Variants in ADGRV1 observed in about 807,000 individuals in gnomAD.
The protein encoded by ADGRV1 is G-protein coupled receptor 98.
A neutral mutation model predicts 596.2 loss-of-function variants in ADGRV1; 359 were observed. The observed-to-expected ratio is 0.60, with a 90% CI of 0.55 to 0.66. The LOEUF is 0.66. Among genes scored for constraint, ADGRV1 ranks in the 30% least tolerant of loss-of-function variants. ADGRV1 has a pLI of 0.00. For synonymous variants in ADGRV1, 2,681 were observed against 2,679.2 expected (o/e 1.00, Z -0.02); for missense variants, 7,274 against 7,575.6 (o/e 0.96, Z 1.48).
chr5:90,960,429 T>G (rs915610054), intron 83 of ADGRV1, among the ~76,000 whole-genome samples: 7 of 152,184 alleles, frequency 4.6e-5, no homozygotes, highest in Non-Finnish European at 8.8e-5. Context: ...CCGTGTTCTC[T>G]TTTTTACAAA....
chr5:91,008,874 A>T (rs1052849014), intron 85 of ADGRV1, among the ~76,000 whole-genome samples: 4 of 152,182 alleles, frequency 2.6e-5, no homozygotes, highest in Non-Finnish European at 4.4e-5. Flanking sequence ...ATCAGTTCTC[A>T]TAGAGCTAGT....
chr5:90,587,199 G>A (rs1015215979), intron 1 of ADGRV1, among the ~76,000 whole-genome samples: 2 of 152,068 alleles, frequency 1.3e-5, no homozygotes, highest in Non-Finnish European at 2.9e-5. Flanking sequence ...CAATGGGAAC[G>A]CTTTCATGTT....
intron 83 of ADGRV1, among the ~76,000 whole-genome samples, chr5:90,870,099 A>C (rs1347262045): frequency 6.6e-6 from 1 of 152,204 alleles, no homozygotes; most frequent in Non-Finnish European, 1.5e-5. Context: ...AGGTTTCCAT[A>C]GCATGGAGAT....
At chr5:91,035,862 T>TATATATATATATATATATATATA (rs1784850040) in intron 85 of ADGRV1, among the ~76,000 whole-genome samples, 2 of 16,500 alleles carry the variant, frequency 1.2e-4, no homozygotes, top group Non-Finnish European at 5.5e-4. Flanking sequence ...ATATATATAT[T>TATATATATATATATATATATATA]ATATATATAT....
At chr5:90,842,366 T>C (rs1765508163) in intron 78 of ADGRV1, among the ~76,000 whole-genome samples, 1 of 152,168 alleles carries the variant, frequency 6.6e-6, no homozygotes, top group Non-Finnish European at 1.5e-5. Context: ...TATATGAAGA[T>C]ACTTAAATAA....
chr5:90,860,842 A>G (rs920373950), intron 82 of ADGRV1, among the ~76,000 whole-genome samples: 1 of 152,164 alleles, frequency 6.6e-6, no homozygotes, highest in Non-Finnish European at 1.5e-5. Context: ...TAATTTGTAA[A>G]TATTTTAAGG....
At chr5:90,958,858 A>G (rs1777732146) in intron 83 of ADGRV1, among the ~76,000 whole-genome samples, 1 of 152,206 alleles carries the variant, frequency 6.6e-6, no homozygotes, top group Non-Finnish European at 1.5e-5. Context: ...TTTGGAGAGG[A>G]AACAATTTAG....
intron 85 of ADGRV1, among the ~76,000 whole-genome samples, chr5:91,071,606 C>T (rs925247017): frequency 1.3e-4 from 20 of 152,212 alleles, no homozygotes; most frequent in East Asian, 5.8e-4. Flanking sequence ...TGAATTATTT[C>T]GGTTAATCTT....
chr5:91,058,116 C>T (rs1787059005), intron 85 of ADGRV1, among the ~76,000 whole-genome samples: 1 of 152,134 alleles, frequency 6.6e-6, no homozygotes, highest in African/African-American at 2.4e-5. Context: ...TGGAGTCTGA[C>T]TTACGCTGAG....
chr5:90,658,616 T>C (rs781767451), intron 21 of ADGRV1, among the ~76,000 whole-genome samples: 3 of 152,144 alleles, frequency 2.0e-5, no homozygotes, highest in Non-Finnish European at 4.4e-5. Flanking sequence ...AATGAAATAA[T>C]ATATATTGAA....
At chr5:90,742,536 C>T (rs1260239565) in intron 50 of ADGRV1, among the ~76,000 whole-genome samples, 4 of 152,000 alleles carry the variant, frequency 2.6e-5, no homozygotes, top group Admixed American at 2.0e-4. Context: ...GGTCTTTATC[C>T]TAAAAGTATT....
intron 89 of ADGRV1, among the ~76,000 whole-genome samples, chr5:91,154,957 T>TA (rs1405477165): frequency 6.6e-6 from 1 of 152,152 alleles, no homozygotes; most frequent in African/African-American, 2.4e-5. Context: ...ATTATACAAT[T>TA]ACAATTGACT....
chr5:90,957,652 A>G (rs1777600465), intron 83 of ADGRV1, among the ~76,000 whole-genome samples: 2 of 148,350 alleles, frequency 1.3e-5, no homozygotes, highest in African/African-American at 4.9e-5. Flanking sequence ...GTATATATAA[A>G]TATATGTGTA....
intron 31 of ADGRV1, among the ~76,000 whole-genome samples, chr5:90,692,400 G>A (rs1395939851): frequency 6.6e-6 from 1 of 152,024 alleles, no homozygotes; most frequent in Admixed American, 6.6e-5. Flanking sequence ...ATATAACTAG[G>A]TTCTGTTATT....
rs73181609 is a variant in ADGRV1 at position 90,618,887 on chromosome 5, C to G, written c.358-199C>G. Among the ~76,000 whole-genome samples, 3,229 of 151,902 alleles carry G rather than the reference C, an allele frequency of 0.021. 101 individuals carry two copies. Among genetic ancestry groups the G allele is most frequent in the African/African-American group, 0.067 (2,774 of 41,468 alleles). ...AGTCAGTGACTAATGGTTTTCAAAA[C>G]TTTTTTGAAAATTTTTCATTTGGAA... is the stretch of plus-strand genomic sequence containing the variant. On this transcript the variant is annotated intron_variant, in intron 3 of 89. Coordinates refer to ENST00000405460, the MANE Select transcript of ADGRV1 (RefSeq NM_032119.4).
At position 90,645,968 on chromosome 5, in the gene ADGRV1, A is replaced by G; in HGVS notation, c.2899A>G (p.Ile967Val). The change falls in exon 16 of 90, where the codon ATT becomes GTT. Residue 967 changes from isoleucine (I) to valine (V), a missense_variant and splice_region_variant. Transcript: ENST00000405460. ...TTAAAACGTGTAACATTTTCCAAAG[A>G]TTCCAGAAGAAATGGAAGAATTTAC... ...NITIYSLPDE[I>V]PEEMEEFTVI... The G allele has an allele frequency of 6.3e-7, 1 of 1,583,096 alleles. No individual in the cohort carries two copies. The highest frequency in any genetic ancestry group is 8.6e-7 in the Non-Finnish European group (1 of 1,164,468).
At chr5:91,089,290 C>T (rs1012602232) in intron 86 of ADGRV1, among the ~76,000 whole-genome samples, 3 of 151,968 alleles carry the variant, frequency 2.0e-5, no homozygotes, top group African/African-American at 4.8e-5. Context: ...TGGGAAATAC[C>T]ATTATTTCTA....
At chr5:90,803,956 T>C (rs1255668430) in intron 71 of ADGRV1, among the ~76,000 whole-genome samples, 1 of 152,034 alleles carries the variant, frequency 6.6e-6, no homozygotes, top group Admixed American at 6.6e-5. Flanking sequence ...TACATTCACA[T>C]CTTTGGTGTA....
At chr5:91,153,110 A>C in intron 88 of ADGRV1, 111 bp from the exon 89 acceptor site, 4 of 802,934 alleles carry the variant, frequency 5.0e-6, no homozygotes, top group Non-Finnish European at 7.8e-6. Flanking sequence ...ACTGCCGTTT[A>C]GCAAGGTCTT....
Sources: allele counts gnomAD v4.1 joint callset (sites outside exome capture counted in the v4.1 genomes callset), GRCh38; gene constraint gnomAD v4.1.1; transcripts MANE v1.5; gene names NCBI Gene and HGNC (gene_info 2026-07-23, HGNC 2026-07-21).